The following PECAM1 variants were observed in gnomAD, a reference collection of about 807,000 sequenced individuals.
PECAM1 encodes the protein platelet and endothelial cell adhesion molecule 1.
PECAM1 carries 8 observed loss-of-function variants against 13.8 expected under a neutral mutation model. The ratio of observed to expected loss-of-function variants is 0.58; its 90% CI spans 0.34 to 1.05. PECAM1 has a LOEUF of 1.05. Among genes scored for constraint, PECAM1 ranks in the 50% least tolerant of loss-of-function variants. The pLI, the probability that PECAM1 is intolerant of heterozygous loss-of-function variation, is 0.03. For missense variants in PECAM1, 304 were observed against 141.2 expected (o/e 2.15, Z -5.84); for synonymous variants, 136 against 52.6 (o/e 2.58, Z -6.86).
rs2036330370 is a variant in PECAM1, at chr17:64,375,262, T to C, written c.480A>G (p.Pro160=). 2 of 475,258 alleles carry C rather than the reference T, an allele frequency of 4.2e-6. No individual in the cohort carries two copies. The highest frequency in any genetic ancestry group is 4.0e-5 in the African/African-American group (2 of 50,516). The allele number at this position is 475,258 out of a possible 1,614,324, so 29.4% of individuals were successfully genotyped here. A position where few individuals can be genotyped will look rare whatever the true frequency, so the allele number is the denominator to read the frequency against. The change falls in exon 4 of 16, where the codon CCA becomes CCG. Residue 160 remains proline, a synonymous_variant. Coordinates refer to ENST00000563924, the MANE Select transcript of PECAM1 (RefSeq NM_000442.5). The stretch of plus-strand genomic sequence containing the variant: ...CAAGTTTTTCAATTGTGAAGTGTAT[T>C]GGGGCCTTTTCCTCTGGGACAGAAC... ...VNCSVPEEKA[P]IHFTIEKLEL...
At chr17:64,348,205 G>T (rs1185613147) in intron 13 of PECAM1, 55 bp downstream of exon 13, 6 of 473,536 alleles carry the variant, frequency 1.3e-5, no homozygotes, top group Non-Finnish European at 1.9e-5. Flanking sequence ...GCCACCACTG[G>T]GGTTTAAACC....
At chr17:64,352,271 A>G (rs2143778897) in intron 11 of PECAM1, 119 bp downstream of exon 11, 1 of 411,908 alleles carries the variant, frequency 2.4e-6, no homozygotes, top group Admixed American at 4.4e-5. Context: ...TACCCTGTTG[A>G]AGCCAGGGTT....
At chr17:64,382,777 C>T (rs1268143595) in intron 2 of PECAM1, among the ~76,000 whole-genome samples, 3 of 151,768 alleles carry the variant, frequency 2.0e-5, no homozygotes, top group Non-Finnish European at 2.9e-5. Context: ...TGGCTCATGC[C>T]TGTAATCCCA....
intron 14 of PECAM1, among the ~76,000 whole-genome samples, chr17:64,336,829 G>A (rs2035290419): frequency 6.6e-6 from 1 of 151,636 alleles, no homozygotes; most frequent in Non-Finnish European, 1.5e-5. Flanking sequence ...CTGCACTCCA[G>A]CCTGGGTGAC....
intron 4 of PECAM1, among the ~76,000 whole-genome samples, chr17:64,370,986 T>C (rs1244792596): frequency 6.6e-6 from 1 of 152,142 alleles, no homozygotes; most frequent in Non-Finnish European, 1.5e-5. Flanking sequence ...CCTTCTCAAA[T>C]AAAAGTAAAA....
intron 14 of PECAM1, among the ~76,000 whole-genome samples, chr17:64,339,483 GTGT>G (rs1274892005): frequency 6.6e-6 from 1 of 152,062 alleles, no homozygotes; most frequent in Non-Finnish European, 1.5e-5. Flanking sequence ...CTCTTCAGCA[GTGT>G]CCAAGAAAGC....
Position 64,323,420 on chromosome 17 carries a change from AGAAAT to A in PECAM1, c.*391_*395del. 8.8e-7 allele frequency: 1 copy of A among 1,138,550 alleles called. No homozygotes were observed. Among genetic ancestry groups the A allele is most frequent in the Non-Finnish European group, 1.1e-6 (1 of 920,926 alleles). The allele number at this position is 1,138,550 out of a possible 1,614,324, so 70.5% of individuals were successfully genotyped here. A position where few individuals can be genotyped will look rare whatever the true frequency, so the allele number is the denominator to read the frequency against. On this transcript the variant is annotated 3_prime_UTR_variant, in exon 16 of 16. Transcript: ENST00000563924. ...CCAGCCTCTAACCAGGCCATGCGCT[AGAAAT>A]GATTGAGTATAAAAAAGAAAATTGG... is the stretch of plus-strand genomic sequence containing the variant.
chr17:64,375,474 G>C (rs1489135010), intron 3 of PECAM1, 118 bp from the exon 4 acceptor site: 2 of 397,548 alleles, frequency 5.0e-6, no homozygotes, highest in Non-Finnish European at 8.8e-6. Flanking sequence ...TGACCCATGA[G>C]AGGGCTCTTT....
intron 3 of PECAM1, among the ~76,000 whole-genome samples, chr17:64,375,751 C>T (rs975689842): frequency 1.7e-4 from 26 of 152,006 alleles, no homozygotes; most frequent in African/African-American, 6.3e-4. Context: ...TCACCTGAGC[C>T]GAGGAGGTTG....
At position 64,350,633 on chromosome 17, in the gene PECAM1, T is replaced by G. The variant is rs1222287764; in HGVS notation, c.1991-200A>C. 8.4e-5 allele frequency among the ~76,000 whole-genome samples: 10 copies of G among 118,978 alleles called. No homozygotes were observed. The East Asian group carries it at 2.0e-3, about 24-fold the overall frequency. The allele number at this position is 118,978 out of a possible 152,430, so 78.1% of individuals were successfully genotyped here. On this transcript the variant is annotated intron_variant, in intron 11 of 15. Coordinates refer to ENST00000563924, the MANE Select transcript of PECAM1 (RefSeq NM_000442.5). ...CCTGCTGTGTAGTCTTTTTCTTTTTTTCTTTCTTTCTTTTTTTTTTTTTTT... is the reference window on the plus strand; with the variant it reads ...CCTGCTGTGTAGTCTTTTTCTTTTTGTCTTTCTTTCTTTTTTTTTTTTTTT...
intron 13 of PECAM1, among the ~76,000 whole-genome samples, chr17:64,342,220 T>G (rs2035452363): frequency 6.7e-6 from 1 of 149,514 alleles, no homozygotes; most frequent in Non-Finnish European, 1.5e-5. Context: ...GAATAGGAGG[T>G]CAGCAGGCCA....
At chr17:64,352,521 G>T in intron 10 of PECAM1, 58 bp from the exon 11 acceptor site, 1 of 421,066 alleles carries the variant, frequency 2.4e-6, no homozygotes, top group Non-Finnish European at 4.3e-6. Context: ...TGTTGTTATT[G>T]TTCTAACCCC....
intron 2 of PECAM1, among the ~76,000 whole-genome samples, chr17:64,381,001 G>A (rs1486976669): frequency 2.6e-5 from 4 of 151,884 alleles, no homozygotes; most frequent in East Asian, 1.9e-4. Flanking sequence ...ACAAACAAAC[G>A]AAAAAGAAAG....
chr17:64,332,530 C>G (rs1555646976), intron 14 of PECAM1, among the ~76,000 whole-genome samples: 1 of 152,178 alleles, frequency 6.6e-6, no homozygotes, highest in African/African-American at 2.4e-5. Flanking sequence ...GAGGTAGCAT[C>G]CATTTTTTCA....
rs1555644384 is a variant in PECAM1, at chr17:64,321,408, G to A, written c.*2408C>T. The A allele has an allele frequency of 3.0e-6, 3 of 983,764 alleles. No individual in the cohort carries two copies. Among genetic ancestry groups the A allele is most frequent in the East Asian group, 1.1e-4 (1 of 8,834 alleles). The allele number at this position is 983,764 out of a possible 1,614,324, so 60.9% of individuals were successfully genotyped here. On this transcript the variant is annotated 3_prime_UTR_variant, in exon 16 of 16. Transcript: ENST00000563924. ...TAAATCCACTAAGAAAGATCCCTGC[G>A]CATGAAGTTTCCTCCTCGGAAATAT...
chr17:64,371,143 C>T (rs1465215506), intron 4 of PECAM1, among the ~76,000 whole-genome samples: 3 of 152,056 alleles, frequency 2.0e-5, no homozygotes, highest in Non-Finnish European at 2.9e-5. Context: ...AAAAATGAAA[C>T]CATAGCACAG....
intron 2 of PECAM1, among the ~76,000 whole-genome samples, chr17:64,384,304 TATC>T (rs1393556507): frequency 2.0e-5 from 3 of 152,018 alleles, no homozygotes; most frequent in Non-Finnish European, 4.4e-5. Context: ...TTAACACAAA[TATC>T]ATCGACAAAA....
At chr17:64,351,151 T>C (rs1180867765) in intron 11 of PECAM1, among the ~76,000 whole-genome samples, 1 of 152,188 alleles carries the variant, frequency 6.6e-6, no homozygotes, top group Non-Finnish European at 1.5e-5. Flanking sequence ...GTGTTGAGAT[T>C]ACAGGCGTGA....
chr17:64,374,940 G>A, intron 4 of PECAM1, 111 bp downstream of exon 4: 2 of 414,132 alleles, frequency 4.8e-6, no homozygotes. Context: ...AAATGATTAA[G>A]AACAGGTCTT....
Sources: allele counts gnomAD v4.1 joint callset (sites outside exome capture counted in the v4.1 genomes callset), GRCh38; gene constraint gnomAD v4.1.1; transcripts MANE v1.5; gene names NCBI Gene and HGNC (gene_info 2026-07-23, HGNC 2026-07-21).